Variants in DCAF1 observed in about 807,000 individuals in gnomAD.
The protein encoded by DCAF1 is DDB1- and CUL4-associated factor 1.
A neutral mutation model predicts 128.0 loss-of-function variants in DCAF1; 15 were observed. The observed-to-expected ratio is 0.12, with a 90% confidence interval of 0.08 to 0.18. The LOEUF is 0.18. DCAF1 is among the 10% of genes least tolerant of loss of function. The pLI is 1.00. For missense variants in DCAF1, 988 were observed against 1,649.5 expected (o/e 0.60, Z 6.95); for synonymous variants, 610 against 603.0 (o/e 1.01, Z -0.17).
intron 3 of DCAF1, among the ~76,000 whole-genome samples, chr3:51,480,859 T>C (rs1431827127): frequency 2.0e-5 from 3 of 152,168 alleles, no homozygotes; most frequent in African/African-American, 4.8e-5. Flanking sequence ...TTTACACGTG[T>C]TTCCTCACTA....
chr3:51,454,909 G>A (rs1222895436), intron 6 of DCAF1, among the ~76,000 whole-genome samples: 5 of 152,010 alleles, frequency 3.3e-5, no homozygotes, highest in South Asian at 4.2e-4. Flanking sequence ...TCCTAACCTC[G>A]TGATCTGCCC....
At chr3:51,493,007 A>C (rs1553658919) in intron 2 of DCAF1, among the ~76,000 whole-genome samples, 2 of 152,028 alleles carry the variant, frequency 1.3e-5, no homozygotes, top group African/African-American at 4.8e-5. Context: ...AAAATAAATA[A>C]ATAAATAAAA....
At chr3:51,435,103 T>C (rs1700694027) in intron 9 of DCAF1, among the ~76,000 whole-genome samples, 2 of 152,250 alleles carry the variant, frequency 1.3e-5, no homozygotes, top group Admixed American at 1.3e-4. Flanking sequence ...AAATCCCTTC[T>C]ATCATTAACC....
At position 51,403,165 on chromosome 3, in the gene DCAF1, C is replaced by T; in HGVS notation, c.4443G>A (p.Glu1481=). 6.2e-7 allele frequency: 1 copy of T among 1,613,618 alleles called. No individual in the cohort carries two copies. The highest frequency in any genetic ancestry group is 1.3e-5 in the African/African-American group (1 of 75,036). Residue 1481 remains glutamate, a synonymous_variant, in exon 24 of 25, where the codon GAG becomes GAA. Transcript: ENST00000684031. ...GEDEDSDADE[E]VELILGDTDS... ...TACTGTCCCCCAGGATCAGTTCCAC[C>T]TCCTCATCTGCATCAGAGTCTTCAT...
intron 1 of DCAF1, among the ~76,000 whole-genome samples, 187 bp from the exon 2 acceptor site, chr3:51,496,967 C>T (rs1553661220): frequency 6.6e-6 from 1 of 152,052 alleles, no homozygotes; most frequent in African/African-American, 2.4e-5. Context: ...TATATAGATA[C>T]CACACACACA....
rs74608602 is a variant in DCAF1, at chr3:51,492,051, G to C, written c.-9+4683C>G. On this transcript the variant is annotated intron_variant, in intron 2 of 24. Coordinates refer to ENST00000684031, the MANE Select transcript of DCAF1 (RefSeq NM_001387579.1). ...CACACTGGTAGTCCCAGCTACTCGG[G>C]GGGGCTGAGGGAGGGGAATCGCTTG... Among the ~76,000 whole-genome samples, 7 of 151,872 alleles carry C rather than the reference G, an allele frequency of 4.6e-5. No individual in the cohort carries two copies. In the East Asian group the frequency reaches 7.8e-4, roughly 17 times the overall value.
At chr3:51,451,396 C>T (rs1345128963) in intron 6 of DCAF1, among the ~76,000 whole-genome samples, 1 of 151,944 alleles carries the variant, frequency 6.6e-6, no homozygotes, top group East Asian at 1.9e-4. Flanking sequence ...CAGGGAGGAT[C>T]ATTTGAGCTC....
Position 51,470,940 on chromosome 3 carries a change from T to C in DCAF1, c.176A>G (p.Asp59Gly), listed in dbSNP as rs1704663564. 2 of 1,595,526 alleles carry C rather than the reference T, an allele frequency of 1.3e-6. No individual in the cohort carries two copies. Among genetic ancestry groups the C allele is most frequent in the Non-Finnish European group, 1.7e-6 (2 of 1,168,266 alleles). ...AGCACAAATCTTACCAGGATGTCGA[T>C]CATCAAATGGGTCTGGATCCCCTTT... ...YRKGDPDPFD[D>G]RHPGRADPEC... is the part of the protein sequence containing the mutation. Residue 59 changes from aspartate to glycine, a missense_variant, in exon 4 of 25, where the codon GAT (aspartate) becomes GGT (glycine). Coordinates refer to ENST00000684031, the MANE Select transcript of DCAF1 (RefSeq NM_001387579.1).
At chr3:51,487,680 C>T (rs1707129331) in intron 2 of DCAF1, among the ~76,000 whole-genome samples, 1 of 151,128 alleles carries the variant, frequency 6.6e-6, no homozygotes, top group South Asian at 2.1e-4. Flanking sequence ...TCTCCTCTTT[C>T]TCTCTCTCTC....
intron 2 of DCAF1, among the ~76,000 whole-genome samples, chr3:51,489,840 T>C (rs1359871591): frequency 3.4e-5 from 5 of 147,224 alleles, no homozygotes; most frequent in Admixed American, 2.8e-4. Context: ...TGTATATAGA[T>C]AGATAGATAG....
At chr3:51,431,143 G>A (rs1314845876) in intron 10 of DCAF1, among the ~76,000 whole-genome samples, 1 of 152,086 alleles carries the variant, frequency 6.6e-6, no homozygotes, top group Admixed American at 6.6e-5. Flanking sequence ...CTCCAGCATA[G>A]GCGACAGAGC....
intron 24 of DCAF1, among the ~76,000 whole-genome samples, chr3:51,402,353 C>T (rs1222314673): frequency 2.0e-5 from 3 of 152,014 alleles, no homozygotes; most frequent in Non-Finnish European, 4.4e-5. Context: ...TCTAGCCATG[C>T]CTCTCGGCGG....
In DCAF1 at chr3:51,437,041, T is replaced by C. The variant is rs1286766239; in HGVS notation, c.1129-3777A>G. 2.6e-5 allele frequency among the ~76,000 whole-genome samples: 4 copies of C among 151,670 alleles called. No homozygotes were observed. The South Asian group carries it at 6.3e-4, about 24-fold the overall frequency. On this transcript the variant is annotated intron_variant, in intron 9 of 24. Coordinates refer to ENST00000684031, the MANE Select transcript of DCAF1 (RefSeq NM_001387579.1). ...ACTTTGGGAGGCTGAGGCAGGCGGA[T>C]CCCTTGAGGTCAGGAGTTCGAGACC...
chr3:51,492,240 A>G (rs1707742923), intron 2 of DCAF1, among the ~76,000 whole-genome samples: 1 of 151,992 alleles, frequency 6.6e-6, no homozygotes, highest in African/African-American at 2.4e-5. Context: ...GTATATGCGA[A>G]AATGGGCCGA....
chr3:51,454,236 T>C (rs573614841), intron 6 of DCAF1, among the ~76,000 whole-genome samples: 6 of 152,234 alleles, frequency 3.9e-5, no homozygotes, highest in South Asian at 2.1e-4. Context: ...AGCCAGGGTC[T>C]TCCTATATTG....
At position 51,420,327 on chromosome 3, in the gene DCAF1, G is replaced by A; in HGVS notation, c.2643C>T (p.Ala881=). The A allele has an allele frequency of 1.2e-6, 2 of 1,614,032 alleles. No homozygotes were observed. Among genetic ancestry groups the A allele is most frequent in the Non-Finnish European group, 1.7e-6 (2 of 1,179,898 alleles). ...TKEADLPMTA[A]SHSSAFTPVT... is the part of the protein sequence containing the mutation. ...CTGGGGTAAAGGCAGAAGAATGGGA[G>A]GCAGCAGTCATGGGCAGGTCAGCCT... Residue 881 remains alanine, a synonymous_variant, in exon 15 of 25, where the codon GCC becomes GCT. Coordinates refer to ENST00000684031, the MANE Select transcript of DCAF1 (RefSeq NM_001387579.1). This position sits in a 1 kb window ranked among gnomAD's most constrained non-coding sequence, Gnocchi z 6.5.
chr3:51,445,989 C>CTTTT (rs782164524), intron 6 of DCAF1, among the ~76,000 whole-genome samples: 8 of 117,612 alleles, frequency 6.8e-5, no homozygotes, highest in South Asian at 2.8e-4. Context: ...AACCTAAGTT[C>CTTTT]TTTTTTTTTT....
At chr3:51,419,261 T>C (rs1360891239) in intron 15 of DCAF1, among the ~76,000 whole-genome samples, 1 of 151,864 alleles carries the variant, frequency 6.6e-6, no homozygotes, top group Non-Finnish European at 1.5e-5. Context: ...CTCAGGAGGC[T>C]GAGGCAGGAG....
intron 9 of DCAF1, among the ~76,000 whole-genome samples, chr3:51,435,320 G>A (rs1700710002): frequency 6.6e-6 from 1 of 152,100 alleles, no homozygotes; most frequent in Non-Finnish European, 1.5e-5. Context: ...AGACAACTTT[G>A]ACCTCCAGCT....
Sources: gnomAD v4.1 joint callset for allele counts (sites outside exome capture counted in the v4.1 genomes callset) on GRCh38, gnomAD v4.1.1 for gene constraint, Gnocchi (gnomAD v3.1) non-coding constraint, MANE v1.5 for transcripts, NCBI Gene and HGNC (gene_info 2026-07-23, HGNC 2026-07-21) for gene names.